STK32B: variants seen among roughly 807,000 people sequenced by gnomAD.
The protein encoded by STK32B is serine/threonine kinase 32B.
In STK32B, 43 loss-of-function variants were observed where a neutral mutation model predicts 52.6. That is an observed-to-expected ratio of 0.82 (90% CI 0.64 to 1.05). The LOEUF (loss-of-function observed/expected upper bound fraction) is 1.05. STK32B is among the 50% of genes least tolerant of loss of function. The probability of loss-of-function intolerance (pLI) is 0.00; values close to 1 mark genes in which losing one functional copy is unlikely to be tolerated. For synonymous variants in STK32B, 238 were observed against 204.3 expected (o/e 1.17, Z -1.41); for missense variants, 621 against 534.6 (o/e 1.16, Z -1.59).
At chr4:5,204,298 G>T (rs1001468020) in intron 3 of STK32B, 1 of 153,288 alleles carries the variant, frequency 6.5e-6, no homozygotes, top group Non-Finnish European at 1.5e-5. Context: ...GACTGTGCTG[G>T]GCTGCAGATG....
chr4:5,338,837 T>A (rs1282430378), intron 4 of STK32B, among the ~76,000 whole-genome samples: 1 of 152,140 alleles, frequency 6.6e-6, no homozygotes, highest in Non-Finnish European at 1.5e-5. Flanking sequence ...ACTAGGCAAA[T>A]GTGTGATGAT....
At chr4:5,495,348 T>C (rs1720130579) in intron 11 of STK32B, among the ~76,000 whole-genome samples, 1 of 152,224 alleles carries the variant, frequency 6.6e-6, no homozygotes, top group African/African-American at 2.4e-5. Flanking sequence ...GCTGATACCA[T>C]TTCTTCCAGT....
intron 11 of STK32B, among the ~76,000 whole-genome samples, chr4:5,493,893 G>T (rs537592481): frequency 1.3e-5 from 2 of 152,238 alleles, no homozygotes; most frequent in Admixed American, 1.3e-4. Flanking sequence ...GTGGTTTTGC[G>T]TTAGTTTCTT....
chr4:5,359,299 C>T (rs1433884870), intron 4 of STK32B, among the ~76,000 whole-genome samples: 1 of 152,056 alleles, frequency 6.6e-6, no homozygotes, highest in African/African-American at 2.4e-5. Context: ...AAAAGCTGAG[C>T]TATTCATTCA....
At chr4:5,444,245 T>C (rs1357470005) in intron 6 of STK32B, among the ~76,000 whole-genome samples, 1 of 152,214 alleles carries the variant, frequency 6.6e-6, no homozygotes, top group African/African-American at 2.4e-5. Context: ...GTGCTAGCAA[T>C]CAGCGAGACT....
At chr4:5,346,366 T>G (rs1399954368) in intron 4 of STK32B, among the ~76,000 whole-genome samples, 1 of 152,192 alleles carries the variant, frequency 6.6e-6, no homozygotes, top group Non-Finnish European at 1.5e-5. Context: ...TTTAGTGGCT[T>G]AAATTGGGCC....
intron 6 of STK32B, among the ~76,000 whole-genome samples, chr4:5,418,986 A>G (rs1712401035): frequency 6.6e-6 from 1 of 152,158 alleles, no homozygotes; most frequent in South Asian, 2.1e-4. Context: ...ATCTTCATGA[A>G]CACTAGGTTT....
At chr4:5,375,610 T>G (rs1276696079) in intron 4 of STK32B, among the ~76,000 whole-genome samples, 1 of 152,220 alleles carries the variant, frequency 6.6e-6, no homozygotes, top group African/African-American at 2.4e-5. Context: ...ACACAATATC[T>G]TCTCCTACCT....
Position 5,500,705 on chromosome 4 carries a change from A to T in STK32B, c.*1622A>T, listed in dbSNP as rs1206148927. 12 of 152,130 alleles carry T rather than the reference A, an allele frequency of 7.9e-5. No individual in the cohort carries two copies. Among genetic ancestry groups the T allele is most frequent in the Admixed American group, 7.9e-4 (12 of 15,272 alleles). 9.4% of individuals were successfully genotyped at this position (152,130 alleles called of 1,614,324 possible). On this transcript the variant is annotated 3_prime_UTR_variant, in exon 12 of 12. Coordinates refer to ENST00000282908, the MANE Select transcript of STK32B (RefSeq NM_018401.3). ...GTCAGTGTTTTCCTCCTTTCAACCG[A>T]GACTATTTCTGGATTGTGTGCTCCT...
intron 4 of STK32B, among the ~76,000 whole-genome samples, chr4:5,397,175 C>T (rs1453715523): frequency 3.9e-5 from 6 of 152,150 alleles, no homozygotes; most frequent in Non-Finnish European, 8.8e-5. Context: ...TTGAAGAAAG[C>T]TATCATTAGT....
chr4:5,298,769 G>A (rs866871528), intron 3 of STK32B, among the ~76,000 whole-genome samples: 24 of 151,772 alleles, frequency 1.6e-4, no homozygotes, highest in Middle Eastern at 3.4e-3. Flanking sequence ...TGGCTCCCTC[G>A]CTTCAGTCCC....
intron 3 of STK32B, among the ~76,000 whole-genome samples, chr4:5,250,884 C>T (rs1248580313): frequency 1.3e-5 from 2 of 152,058 alleles, no homozygotes; most frequent in African/African-American, 4.8e-5. Flanking sequence ...CTGTTCATTT[C>T]CTTTGCCCAC....
intron 3 of STK32B, among the ~76,000 whole-genome samples, chr4:5,236,382 G>A (rs573657056): frequency 1.3e-5 from 2 of 152,112 alleles, no homozygotes; most frequent in East Asian, 1.9e-4. Flanking sequence ...ACAGAAAAGT[G>A]CACTTATGAT....
chr4:5,189,682 A>G (rs1182997656), intron 3 of STK32B, among the ~76,000 whole-genome samples: 1 of 152,184 alleles, frequency 6.6e-6, no homozygotes, highest in East Asian at 1.9e-4. Context: ...AAGGAAAATG[A>G]TTGCTGGATT....
intron 1 of STK32B, 99 bp downstream of exon 1, chr4:5,052,014 G>C (rs749311500): frequency 3.8e-5 from 57 of 1,515,630 alleles, no homozygotes; most frequent in Non-Finnish European, 5.0e-5. Context: ...TGCCCGGCGC[G>C]GGGACCCAGG....
At chr4:5,406,988 T>A (rs1737726055) in intron 5 of STK32B, among the ~76,000 whole-genome samples, 1 of 152,170 alleles carries the variant, frequency 6.6e-6, no homozygotes. Flanking sequence ...TTTTCCAAAC[T>A]TTTACATTCT....
At chr4:5,443,366 T>A (rs1443336909) in intron 6 of STK32B, among the ~76,000 whole-genome samples, 1 of 152,038 alleles carries the variant, frequency 6.6e-6, no homozygotes, top group Non-Finnish European at 1.5e-5. Context: ...CATCTTCCAT[T>A]GCTGATACCC....
chr4:5,475,868 A>G (rs909031939), intron 11 of STK32B, among the ~76,000 whole-genome samples: 12 of 152,010 alleles, frequency 7.9e-5, no homozygotes, highest in South Asian at 6.2e-4. Context: ...TTGATCTACA[A>G]TTAATCCTCA....
intron 3 of STK32B, among the ~76,000 whole-genome samples, chr4:5,190,068 C>A (rs145518406): frequency 6.6e-6 from 1 of 152,092 alleles, no homozygotes; most frequent in Non-Finnish European, 1.5e-5. Flanking sequence ...CTCACTCACA[C>A]CGACCCACAC....
Sources: allele counts gnomAD v4.1 joint callset (sites outside exome capture counted in the v4.1 genomes callset), GRCh38; gene constraint gnomAD v4.1.1; transcripts MANE v1.5; gene names NCBI Gene and HGNC (gene_info 2026-07-23, HGNC 2026-07-21).